Variants in RHBDL2 observed in about 807,000 individuals in gnomAD.
RHBDL2 encodes rhomboid like 2.
A neutral mutation model predicts 31.7 loss-of-function variants in RHBDL2; 26 were observed. The observed-to-expected ratio is 0.82, with a 90% CI of 0.60 to 1.14. The LOEUF (loss-of-function observed/expected upper bound fraction) is 1.14. Ranked by LOEUF, RHBDL2 falls within the 50% of genes most tolerant of loss-of-function variation. The probability of loss-of-function intolerance (pLI) is 0.00; values close to 1 mark genes in which losing one functional copy is unlikely to be tolerated. For synonymous variants in RHBDL2, 123 were observed against 127.2 expected (o/e 0.97, Z 0.22); for missense variants, 336 against 364.4 (o/e 0.92, Z 0.63).
At chr1:38,914,065 C>T (rs948041145) in intron 3 of RHBDL2, among the ~76,000 whole-genome samples, 3 of 150,956 alleles carry the variant, frequency 2.0e-5, no homozygotes, top group Admixed American at 6.6e-5. Context: ...TGCAGTGAGC[C>T]GAGATCGCAC....
intron 1 of RHBDL2, among the ~76,000 whole-genome samples, chr1:38,927,939 C>T (rs949063683): frequency 1.3e-5 from 2 of 151,992 alleles, no homozygotes; most frequent in African/African-American, 2.4e-5. Flanking sequence ...AGAAGAGTCT[C>T]GGGCGCCTGA....
chr1:38,926,941 A>C (rs1643384260), intron 1 of RHBDL2: 1 of 152,436 alleles, frequency 6.6e-6, no homozygotes, highest in African/African-American at 2.4e-5. Context: ...CTCTACACAA[A>C]GATGACACGC....
intron 6 of RHBDL2, among the ~76,000 whole-genome samples, chr1:38,889,460 G>A (rs923022298): frequency 6.6e-6 from 1 of 152,136 alleles, no homozygotes; most frequent in African/African-American, 2.4e-5. Flanking sequence ...AGCAAGAACA[G>A]GAACTGGAAG....
At chr1:38,896,128 T>C in intron 4 of RHBDL2, 59 bp from the exon 5 acceptor site, 2 of 1,279,772 alleles carry the variant, frequency 1.6e-6, no homozygotes, top group Non-Finnish European at 2.2e-6. Flanking sequence ...AAGATAAATC[T>C]TTCTAATCTA....
At position 38,890,445 on chromosome 1, in the gene RHBDL2, A is replaced by G. The variant is rs11211568; in HGVS notation, c.671-2421T>C. The stretch of plus-strand genomic sequence containing the variant: ...AGTTACTTTGGCTTAGTCTTCCACA[A>G]TAGGAGACCTCCTCTCAGAAAGTCT... On this transcript the variant is annotated intron_variant, in intron 6 of 7. Transcript: ENST00000372990. Among the ~76,000 whole-genome samples, 284 of 152,266 alleles carry G rather than the reference A, an allele frequency of 1.9e-3. 2 individuals carry two copies. The highest frequency in any genetic ancestry group is 6.3e-3 in the African/African-American group (260 of 41,550).
At chr1:38,905,912 A>G (rs1421568359) in intron 4 of RHBDL2, among the ~76,000 whole-genome samples, 2 of 151,472 alleles carry the variant, frequency 1.3e-5, no homozygotes, top group African/African-American at 4.9e-5. Flanking sequence ...CTAAAAATAC[A>G]AAAAATTAGC....
chr1:38,924,832 AG>A (rs1206895445), intron 1 of RHBDL2, among the ~76,000 whole-genome samples: 1 of 132,532 alleles, frequency 7.5e-6, no homozygotes, highest in Non-Finnish European at 1.5e-5. Context: ...GCCAGGCTGG[AG>A]TGCAATGGTG....
chr1:38,912,960 A>C, intron 3 of RHBDL2, among the ~76,000 whole-genome samples: 1 of 53,670 alleles, frequency 1.9e-5, no homozygotes, highest in East Asian at 3.4e-4. Context: ...ATTTACATAT[A>C]CACGTGTGTG....
chr1:38,889,957 G>A (rs1642833387), intron 6 of RHBDL2, among the ~76,000 whole-genome samples: 1 of 152,088 alleles, frequency 6.6e-6, no homozygotes, highest in Non-Finnish European at 1.5e-5. Flanking sequence ...CAGAAATTGA[G>A]GTCGAGGAAA....
At chr1:38,899,502 C>T (rs1642962042) in intron 4 of RHBDL2, among the ~76,000 whole-genome samples, 1 of 152,198 alleles carries the variant, frequency 6.6e-6, no homozygotes. Flanking sequence ...CCCTAACAGG[C>T]ATGTGGGGCA....
At chr1:38,930,862 C>T (rs1255630930) in intron 1 of RHBDL2, among the ~76,000 whole-genome samples, 1 of 152,082 alleles carries the variant, frequency 6.6e-6, no homozygotes. Context: ...AATAGTGGTC[C>T]ACTGATAATG....
intron 4 of RHBDL2, among the ~76,000 whole-genome samples, chr1:38,905,603 A>AG (rs397933693): frequency 2.0e-5 from 3 of 150,562 alleles, no homozygotes; most frequent in Non-Finnish European, 4.4e-5. Flanking sequence ...AAAAAAAAAA[A>AG]TTAGCTGGGT....
chr1:38,918,969 C>G lies in RHBDL2; in HGVS notation c.244G>C (p.Glu82Gln). Residue 82 changes from glutamate to glutamine, a missense_variant and splice_region_variant, in exon 2 of 8, where the codon GAG becomes CAG. Coordinates refer to ENST00000372990, the MANE Select transcript of RHBDL2 (RefSeq NM_017821.5). ...PVFIISISLA[E>Q]LAVFIYYAVW... ...TGCCCACCCCGCTCCCCATTCACCT[C>G]GGCCAGGCTGATGGAGATGATGAAC... The G allele has an allele frequency of 6.2e-7, 1 of 1,611,334 alleles. No homozygotes were observed. Among genetic ancestry groups the G allele is most frequent in the Non-Finnish European group, 8.5e-7 (1 of 1,177,824 alleles).
Position 38,928,438 on chromosome 1 carries a change from GGCCAT to G in RHBDL2, c.-125-9106_-125-9102del, listed in dbSNP as rs1339280822. On this transcript the variant is annotated intron_variant, in intron 1 of 7. Transcript: ENST00000372990. Reference sequence around the variant, plus strand: ...ATTACAGGGGTGAGCCACGGCGCCCGGCCATGTTTTGTTTTGTTTTGTTTTGAGAC... The same window carrying G: ...ATTACAGGGGTGAGCCACGGCGCCCGGTTTTGTTTTGTTTTGTTTTGAGAC... 5.6e-5 allele frequency among the ~76,000 whole-genome samples: 2 copies of G among 35,478 alleles called. 1 individual carries two copies. The highest frequency in any genetic ancestry group is 1.3e-4 in the Non-Finnish European group (2 of 15,058). 23.3% of individuals were successfully genotyped at this position (35,478 alleles called of 152,430 possible).
At chr1:38,891,802 C>T (rs975350956) in intron 6 of RHBDL2, among the ~76,000 whole-genome samples, 1 of 152,148 alleles carries the variant, frequency 6.6e-6, no homozygotes, top group African/African-American at 2.4e-5. Flanking sequence ...ATAGAAATTG[C>T]AAAATCCTGT....
chr1:38,917,527 C>T (rs1643255508), intron 2 of RHBDL2, among the ~76,000 whole-genome samples: 1 of 152,142 alleles, frequency 6.6e-6, no homozygotes, highest in African/African-American at 2.4e-5. Context: ...CTCATTGTTC[C>T]CCATTCACCT....
At chr1:38,887,927 A>C (rs1203058051) in intron 7 of RHBDL2, 36 bp downstream of exon 7, 7 of 1,457,880 alleles carry the variant, frequency 4.8e-6, no homozygotes, top group Admixed American at 3.5e-5. Flanking sequence ...ACAGTAAACT[A>C]ATTTCTATTT....
At chr1:38,927,599 T>C (rs1242057455) in intron 1 of RHBDL2, among the ~76,000 whole-genome samples, 1 of 152,200 alleles carries the variant, frequency 6.6e-6, no homozygotes, top group East Asian at 1.9e-4. Flanking sequence ...GCCTTGTGTT[T>C]GACACTATAA....
chr1:38,892,690 G>C (rs1260380702), intron 6 of RHBDL2, among the ~76,000 whole-genome samples: 3 of 152,158 alleles, frequency 2.0e-5, no homozygotes, highest in African/African-American at 7.2e-5. Context: ...ATGTGAAATA[G>C]GTCATTGTTG....
Sources: allele counts gnomAD v4.1 joint callset (sites outside exome capture counted in the v4.1 genomes callset), GRCh38; gene constraint gnomAD v4.1.1; transcripts MANE v1.5; gene names NCBI Gene and HGNC (gene_info 2026-07-23, HGNC 2026-07-21).